PSD3: variants seen among roughly 807,000 people sequenced by gnomAD.
PSD3 encodes pleckstrin and Sec7 domain containing 3.
In PSD3, 49 loss-of-function variants were observed where a neutral mutation model predicts 105.5. That is an observed-to-expected ratio of 0.46 (90% confidence interval 0.37 to 0.59). PSD3 has a LOEUF of 0.59. Ranked by LOEUF, PSD3 falls within the 20% of genes least tolerant of loss-of-function variation. The probability of loss-of-function intolerance (pLI) is 0.00; values close to 1 mark genes in which losing one functional copy is unlikely to be tolerated. For missense variants in PSD3, 1,561 were observed against 1,263.8 expected, an observed-to-expected ratio of 1.24 and a Z score of -3.57; for synonymous variants, 557 against 457.8, an observed-to-expected ratio of 1.22 and a Z score of -2.77.
chr8:18,805,973 A>G (rs2172289), intron 4 of PSD3, among the ~76,000 whole-genome samples: 90,917 of 152,072 alleles, frequency 0.6, 29,505 homozygotes, highest in Non-Finnish European at 0.74. Context: ...TCAATGAAAA[A>G]AGTGACTAGT....
intron 9 of PSD3, among the ~76,000 whole-genome samples, chr8:18,731,683 T>C (rs1033500569): frequency 6.6e-6 from 1 of 152,206 alleles, no homozygotes; most frequent in Non-Finnish European, 1.5e-5. Flanking sequence ...AGAACAGTCA[T>C]GTGTTCTACT....
chr8:18,895,375 T>C (rs1475541306), intron 2 of PSD3, among the ~76,000 whole-genome samples: 2 of 152,220 alleles, frequency 1.3e-5, no homozygotes, highest in African/African-American at 4.8e-5. Flanking sequence ...ACTGCCAAAC[T>C]TCAGAGTCAT....
chr8:18,897,191 T>G (rs1005636764), intron 2 of PSD3, among the ~76,000 whole-genome samples: 7 of 152,328 alleles, frequency 4.6e-5, no homozygotes, highest in Admixed American at 4.6e-4. Flanking sequence ...TCCCTGATGT[T>G]CAGTATTTTT....
intron 4 of PSD3, among the ~76,000 whole-genome samples, chr8:18,841,303 G>C (rs952525415): frequency 1.3e-5 from 2 of 152,192 alleles, no homozygotes; most frequent in Non-Finnish European, 2.9e-5. Context: ...TTCTCAGCGA[G>C]GGCAGCCCAC....
At chr8:18,823,113 A>C (rs1431753360) in intron 4 of PSD3, among the ~76,000 whole-genome samples, 2 of 151,744 alleles carry the variant, frequency 1.3e-5, no homozygotes, top group African/African-American at 4.8e-5. Context: ...AAAAAAAAAA[A>C]ACCTTATCAC....
intron 12 of PSD3, among the ~76,000 whole-genome samples, chr8:18,577,347 C>T (rs1456729094): frequency 1.3e-5 from 2 of 151,886 alleles, no homozygotes; most frequent in African/African-American, 2.4e-5. Flanking sequence ...CGTTAATGTT[C>T]CATAAACATA....
rs771023991 is a variant in PSD3 at position 18,871,682 on chromosome 8, T to C, written c.1182A>G (p.Leu394=). The change falls in exon 3 of 16, where the codon CTA becomes CTG. Residue 394 remains leucine, a synonymous_variant. Transcript: ENST00000327040. ...LDESGEDEVF[L]QENKQHLEKT... is the part of the protein sequence containing the mutation. The stretch of plus-strand genomic sequence containing the variant: ...TCTCAAGATGCTGTTTGTTTTCCTG[T>C]AGGAAGACTTCATCCTCTCCACTCT... 6.2e-6 allele frequency: 10 copies of C among 1,613,734 alleles called. No individual in the cohort carries two copies. The East Asian group carries it at 2.0e-4, about 32-fold the overall frequency.
chr8:18,742,418 A>G (rs1463861482), intron 9 of PSD3, among the ~76,000 whole-genome samples: 1 of 152,238 alleles, frequency 6.6e-6, no homozygotes, highest in East Asian at 1.9e-4. Flanking sequence ...TCAGAATGAC[A>G]CAGGCATCAA....
intron 12 of PSD3, among the ~76,000 whole-genome samples, chr8:18,579,612 C>CT (rs1025307293): frequency 6.6e-6 from 1 of 152,024 alleles, no homozygotes; most frequent in Admixed American, 6.6e-5. Context: ...AAATAAAAAG[C>CT]TTTTTTTCCC....
In PSD3 at chr8:18,884,720, C is replaced by G. The variant is rs1187271494; in HGVS notation, c.131-11987G>C. Among the ~76,000 whole-genome samples the G allele has an allele frequency of 3.9e-5, 6 of 152,308 alleles. No individual in the cohort carries two copies. In the East Asian group the frequency reaches 9.7e-4, roughly 25 times the overall value. ...ATATTCCATTAATTGGACACTCTTT[C>G]CCCAAGTGATTAATAGTTACAGCTG... On this transcript the variant is annotated intron_variant, in intron 2 of 15. Coordinates refer to ENST00000327040, the MANE Select transcript of PSD3 (RefSeq NM_015310.4).
chr8:18,802,440 T>G (rs1288146426), intron 6 of PSD3: 1 of 280,676 alleles, frequency 3.6e-6, no homozygotes, highest in Non-Finnish European at 7.6e-6. Flanking sequence ...GAGCCTCATT[T>G]CTATGAAAAT....
chr8:18,711,587 A>G (rs1347346865), intron 9 of PSD3, among the ~76,000 whole-genome samples: 1 of 152,200 alleles, frequency 6.6e-6, no homozygotes, highest in African/African-American at 2.4e-5. Context: ...AACTATCCCA[A>G]ATACATATGC....
intron 1 of PSD3, among the ~76,000 whole-genome samples, chr8:18,937,960 G>C (rs1264903902): frequency 6.6e-6 from 1 of 152,148 alleles, no homozygotes; most frequent in African/African-American, 2.4e-5. Flanking sequence ...AGGCTACTCA[G>C]ATAACTAAGA....
At chr8:18,959,624 C>T (rs1823790396) in intron 1 of PSD3, among the ~76,000 whole-genome samples, 1 of 152,136 alleles carries the variant, frequency 6.6e-6, no homozygotes. Flanking sequence ...CCCACACTCA[C>T]ATTCCACTAA....
At chr8:18,717,594 A>C (rs1802683344) in intron 9 of PSD3, among the ~76,000 whole-genome samples, 1 of 152,150 alleles carries the variant, frequency 6.6e-6, no homozygotes, top group African/African-American at 2.4e-5. Context: ...TTGTTATATT[A>C]TATATTTTAT....
intron 9 of PSD3, among the ~76,000 whole-genome samples, chr8:18,673,552 G>C (rs928757163): frequency 2.0e-5 from 3 of 152,112 alleles, no homozygotes; most frequent in African/African-American, 7.2e-5. Context: ...AATCTGGCTG[G>C]TTTCTATCTC....
At chr8:18,900,664 TTTG>T (rs1237961619) in intron 2 of PSD3, among the ~76,000 whole-genome samples, 1 of 150,324 alleles carries the variant, frequency 6.7e-6, no homozygotes. Context: ...TTTTTTTTTT[TTTG>T]GGAGACAGGG....
At chr8:18,945,211 GATTAA>G (rs1197054379) in intron 1 of PSD3, among the ~76,000 whole-genome samples, 1 of 152,224 alleles carries the variant, frequency 6.6e-6, no homozygotes, top group Non-Finnish European at 1.5e-5. Context: ...TTGAAAATGT[GATTAA>G]ATTAAATTTC....
rs1313400431 is a variant in PSD3 at position 18,752,633 on chromosome 8, AAT to A, written c.2172+12814_2172+12815del. Reference sequence around the variant, plus strand: ...AATACATATAATATATATTATATATAATATATATAATATATATAATATATTAT... The same window carrying A: ...AATACATATAATATATATTATATATAATATATAATATATATAATATATTAT... On this transcript the variant is annotated intron_variant, in intron 9 of 15. Transcript: ENST00000327040. Among the ~76,000 whole-genome samples the A allele has an allele frequency of 1.5e-3, 106 of 69,738 alleles. 1 individual carries two copies. The highest frequency in any genetic ancestry group is 5.3e-3 in the African/African-American group (94 of 17,896). The allele number at this position is 69,738 out of a possible 152,430, so 45.8% of individuals were successfully genotyped here. A position where few individuals can be genotyped will look rare whatever the true frequency, so the allele number is the denominator to read the frequency against.
Sources: allele counts gnomAD v4.1 joint callset (sites outside exome capture counted in the v4.1 genomes callset), GRCh38; gene constraint gnomAD v4.1.1; transcripts MANE v1.5; gene names NCBI Gene and HGNC (gene_info 2026-07-23, HGNC 2026-07-21).